Variants in BTAF1 observed in about 807,000 individuals in gnomAD.
BTAF1 encodes TATA-binding protein-associated factor 172.
BTAF1 carries 38 observed loss-of-function variants against 227.1 expected under a neutral mutation model. The ratio of observed to expected loss-of-function variants is 0.17; its 90% CI spans 0.13 to 0.22. BTAF1 has a LOEUF of 0.22. BTAF1 is among the 10% of genes least tolerant of loss of function. BTAF1 has a pLI of 1.00. For synonymous variants in BTAF1, 742 were observed against 751.9 expected (o/e 0.99, Z 0.21); for missense variants, 1,598 against 2,204.0 (o/e 0.73, Z 5.51).
chr10:91,962,890 T>C (rs1403203946), intron 12 of BTAF1, among the ~76,000 whole-genome samples: 1 of 152,082 alleles, frequency 6.6e-6, no homozygotes, highest in African/African-American at 2.4e-5. Flanking sequence ...GTACATAATA[T>C]ATAGGGAACT....
At chr10:92,016,940 TTAAA>T (rs1452976251) in intron 33 of BTAF1, among the ~76,000 whole-genome samples, 2 of 152,182 alleles carry the variant, frequency 1.3e-5, no homozygotes, top group African/African-American at 4.8e-5. Context: ...AATATTAAAA[TTAAA>T]TGTATAAAAT....
intron 4 of BTAF1, among the ~76,000 whole-genome samples, chr10:91,944,573 T>C (rs1845232890): frequency 6.6e-6 from 1 of 152,234 alleles, no homozygotes; most frequent in South Asian, 2.1e-4. Context: ...ATATAATTTA[T>C]ACATTATACA....
At chr10:91,931,629 A>T (rs1017014423) in intron 1 of BTAF1, among the ~76,000 whole-genome samples, 4 of 151,912 alleles carry the variant, frequency 2.6e-5, no homozygotes, top group African/African-American at 4.8e-5. Flanking sequence ...CTACCCTCCA[A>T]CATAATACTG....
intron 2 of BTAF1, among the ~76,000 whole-genome samples, chr10:91,939,722 G>A (rs1231219268): frequency 6.6e-6 from 1 of 152,190 alleles, no homozygotes; most frequent in African/African-American, 2.4e-5. Flanking sequence ...ATAGGTGTGA[G>A]CCACTGTGCC....
At chr10:92,014,885 G>A (rs1176973432) in intron 32 of BTAF1, among the ~76,000 whole-genome samples, 1 of 152,242 alleles carries the variant, frequency 6.6e-6, no homozygotes, top group African/African-American at 2.4e-5. Flanking sequence ...TGTACAGCAT[G>A]TTACTGTACT....
chr10:92,027,400 T>C, intron 37 of BTAF1, 100 bp downstream of exon 37: 1 of 1,110,656 alleles, frequency 9.0e-7, no homozygotes, highest in Non-Finnish European at 1.3e-6. Context: ...TTTACTTTAG[T>C]ATCCATGAGA....
chr10:92,018,360 G>T (rs568386534), intron 33 of BTAF1, among the ~76,000 whole-genome samples: 1 of 152,216 alleles, frequency 6.6e-6, no homozygotes, highest in East Asian at 1.9e-4. Flanking sequence ...GGATTACAGG[G>T]GTGAGGCACC....
intron 25 of BTAF1, among the ~76,000 whole-genome samples, chr10:92,007,512 C>G (rs192470166): frequency 1.6e-4 from 24 of 152,224 alleles, no homozygotes; most frequent in African/African-American, 5.8e-4. Flanking sequence ...TGCGAGCCAC[C>G]ATGCCTCGCT....
intron 4 of BTAF1, 65 bp from the exon 5 acceptor site, chr10:91,951,338 G>T: frequency 6.7e-7 from 1 of 1,497,768 alleles, no homozygotes; most frequent in Non-Finnish European, 9.1e-7. Flanking sequence ...GATAGAGTTT[G>T]ATGTGCACGT....
At chr10:91,969,487 G>C (rs1181987782) in intron 14 of BTAF1, among the ~76,000 whole-genome samples, 1 of 152,104 alleles carries the variant, frequency 6.6e-6, no homozygotes, top group African/African-American at 2.4e-5. Flanking sequence ...ATAGCATACT[G>C]TGGGAATATT....
intron 18 of BTAF1, 100 bp from the exon 19 acceptor site, chr10:91,984,100 CA>C: frequency 1.0e-6 from 1 of 992,188 alleles, no homozygotes; most frequent in East Asian, 2.6e-5. Context: ...AGATTCAGTA[CA>C]AGTAAGAATT....
At chr10:91,928,541 A>G (rs142936556) in intron 1 of BTAF1, among the ~76,000 whole-genome samples, 1 of 152,128 alleles carries the variant, frequency 6.6e-6, no homozygotes, top group African/African-American at 2.4e-5. Context: ...CACAAAGTCA[A>G]CCTCAGCAAA....
chr10:91,989,673 C>A, intron 20 of BTAF1, 93 bp downstream of exon 20: 1 of 1,210,652 alleles, frequency 8.3e-7, no homozygotes, highest in Non-Finnish European at 1.1e-6. Context: ...AAATCCAGTT[C>A]ATGTTAGTGT....
Position 91,960,093 on chromosome 10 carries a change from A to G in BTAF1, c.1202A>G (p.Glu401Gly). The part of the protein sequence containing the change: ...VDVLLKLLTQ[E>G]QWEVRHGGLL... ...GTGCTGCTAAAATTACTTACACAAGAACAATGGGAAGTTAGACATGGTGGT... is the reference window on the plus strand; with the variant it reads ...GTGCTGCTAAAATTACTTACACAAGGACAATGGGAAGTTAGACATGGTGGT... The change falls in exon 11 of 38, where the codon GAA becomes GGA. Residue 401 changes from glutamate to glycine, a missense_variant. By Grantham distance (98) the Glu-to-Gly change is moderately conservative. Transcript: ENST00000265990. 6.2e-7 allele frequency: 1 copy of G among 1,613,956 alleles called. No individual in the cohort carries two copies. The highest frequency in any genetic ancestry group is 8.5e-7 in the Non-Finnish European group (1 of 1,179,880).
At chr10:91,933,037 C>G (rs1420836100) in intron 1 of BTAF1, among the ~76,000 whole-genome samples, 1 of 152,142 alleles carries the variant, frequency 6.6e-6, no homozygotes, top group Non-Finnish European at 1.5e-5. Context: ...CCACTGCAAC[C>G]CCAACCAGTG....
chr10:91,961,469 CT>C (rs1433243681), intron 11 of BTAF1, among the ~76,000 whole-genome samples: 1 of 132,856 alleles, frequency 7.5e-6, no homozygotes, highest in Non-Finnish European at 1.6e-5. Context: ...TTTTTCCCTT[CT>C]TTAACTGCCA....
intron 4 of BTAF1, among the ~76,000 whole-genome samples, chr10:91,944,110 C>T (rs1051798800): frequency 6.6e-6 from 1 of 151,992 alleles, no homozygotes; most frequent in East Asian, 1.9e-4. Context: ...GCGATCGTGG[C>T]CATTGCACTC....
chr10:92,014,346 G>C (rs1365974350), intron 32 of BTAF1, among the ~76,000 whole-genome samples: 1 of 152,032 alleles, frequency 6.6e-6, no homozygotes, highest in East Asian at 1.9e-4. Context: ...TCCAGCCTCA[G>C]TCCCCCAAGT....
chr10:91,961,538 T>C (rs1265804030), intron 11 of BTAF1, among the ~76,000 whole-genome samples: 1 of 151,958 alleles, frequency 6.6e-6, no homozygotes, highest in Non-Finnish European at 1.5e-5. Context: ...AACTCTTTTC[T>C]CCCTCTGCTC....
Sources: gnomAD v4.1 joint callset for allele counts (sites outside exome capture counted in the v4.1 genomes callset) on GRCh38, gnomAD v4.1.1 for gene constraint, MANE v1.5 for transcripts, NCBI Gene and HGNC (gene_info 2026-07-23, HGNC 2026-07-21) for gene names.